KIAA0586: variants seen among roughly 807,000 people sequenced by gnomAD.
The protein encoded by KIAA0586 is protein TALPID3.
In KIAA0586, 144 loss-of-function variants were observed where a neutral mutation model predicts 169.8. That is an observed-to-expected ratio of 0.85 (90% CI 0.74 to 0.97). The LOEUF (loss-of-function observed/expected upper bound fraction) is 0.97, where lower values mean the gene tolerates loss of function less well. Among genes scored for constraint, KIAA0586 ranks in the 50% least tolerant of loss-of-function variants. The pLI is 0.00. For missense variants in KIAA0586, 1,854 were observed against 1,823.0 expected, an observed-to-expected ratio of 1.02 and a Z score of -0.31; for synonymous variants, 625 against 612.4, an observed-to-expected ratio of 1.02 and a Z score of -0.30.
intron 22 of KIAA0586, among the ~76,000 whole-genome samples, chr14:58,487,618 AAAG>A (rs1323368946): frequency 6.6e-6 from 1 of 152,168 alleles, no homozygotes; most frequent in Admixed American, 6.5e-5. Flanking sequence ...AAAAAAAAAA[AAAG>A]TATACAATTG....
intron 20 of KIAA0586, among the ~76,000 whole-genome samples, chr14:58,477,634 G>T (rs1438766215): frequency 2.0e-5 from 3 of 152,144 alleles, no homozygotes; most frequent in Non-Finnish European, 4.4e-5. Flanking sequence ...CCCAACAAGA[G>T]TTTAAGTATT....
intron 4 of KIAA0586, among the ~76,000 whole-genome samples, 151 bp downstream of exon 4, chr14:58,432,608 A>G (rs1427493951): frequency 6.6e-6 from 1 of 152,250 alleles, no homozygotes; most frequent in Non-Finnish European, 1.5e-5. Flanking sequence ...CACGTATAAA[A>G]TACTCAGTAG....
At chr14:58,506,564 G>C (rs1337941995) in intron 27 of KIAA0586, among the ~76,000 whole-genome samples, 1 of 151,980 alleles carries the variant, frequency 6.6e-6, no homozygotes, top group Non-Finnish European at 1.5e-5. Flanking sequence ...GCGCGTGCCT[G>C]TGGTCTCAGC....
At chr14:58,481,026 CAAA>C (rs1384809146) in intron 20 of KIAA0586, among the ~76,000 whole-genome samples, 1 of 152,116 alleles carries the variant, frequency 6.6e-6, no homozygotes, top group African/African-American at 2.4e-5. Context: ...GGGCCATGCT[CAAA>C]GAATGAATTA....
intron 27 of KIAA0586, among the ~76,000 whole-genome samples, chr14:58,507,231 TATGTATGATTTATATATAAATC>T (rs557242244): frequency 0.026 from 2,376 of 90,508 alleles, 26 homozygotes; most frequent in Non-Finnish European, 0.035. Context: ...AAATCATCTA[TATGTATGATTTATATATAAATC>T]ATGTATGATT....
At chr14:58,467,708 A>T (rs1193727954) in intron 15 of KIAA0586, 27 bp from the exon 16 acceptor site, 13 of 1,536,352 alleles carry the variant, frequency 8.5e-6, no homozygotes, top group African/African-American at 1.4e-5. Context: ...GAACTAGTTG[A>T]CTTATTTTTT....
chr14:58,485,297 A>C (rs974162215), intron 21 of KIAA0586, among the ~76,000 whole-genome samples: 3 of 151,996 alleles, frequency 2.0e-5, no homozygotes, highest in South Asian at 2.1e-4. Context: ...ACCCATGTAC[A>C]TATAAAAAGA....
At position 58,429,432 on chromosome 14, in the gene KIAA0586, G is replaced by C. The variant is rs780403471; in HGVS notation, c.269G>C (p.Ser90Thr). The C allele has an allele frequency of 6.4e-7, 1 of 1,562,018 alleles. No individual in the cohort carries two copies. Among genetic ancestry groups the C allele is most frequent in the African/African-American group, 1.4e-5 (1 of 73,826 alleles). ...PLLENPMVSE[S>T]DFSKDVAVQV... The stretch of plus-strand genomic sequence containing the variant: ...TTAGAAAATCCCATGGTGTCAGAAA[G>C]TGTAAGCAAAAGGATTCTTAATTAT... Residue 90 changes from serine (S) to threonine (T), a missense_variant and splice_region_variant, in exon 2 of 31, where the codon AGT becomes ACT. Transcript: ENST00000652326.
intron 19 of KIAA0586, among the ~76,000 whole-genome samples, chr14:58,476,430 G>T (rs903829447): frequency 6.6e-6 from 1 of 152,042 alleles, no homozygotes; most frequent in Non-Finnish European, 1.5e-5. Flanking sequence ...GTGAAGAAAG[G>T]GCAGCTGGAC....
intron 29 of KIAA0586, chr14:58,521,218 A>G: frequency 1.0e-6 from 1 of 971,928 alleles, no homozygotes; most frequent in Non-Finnish European, 1.6e-6. Context: ...TCATCATCCA[A>G]CACAGTGGCC....
chr14:58,539,137 T>G (rs2046484163), intron 29 of KIAA0586, among the ~76,000 whole-genome samples: 1 of 152,168 alleles, frequency 6.6e-6, no homozygotes, highest in Non-Finnish European at 1.5e-5. Context: ...TGTCTTTCTG[T>G]GTCTGGTTTA....
intron 13 of KIAA0586, 88 bp downstream of exon 13, chr14:58,460,158 G>A: frequency 1.3e-6 from 1 of 784,486 alleles, no homozygotes; most frequent in East Asian, 2.7e-5. Context: ...CGAATGTGAA[G>A]GTGTTTTAAA....
chr14:58,470,223 G>A (rs1434212826), intron 16 of KIAA0586, among the ~76,000 whole-genome samples: 1 of 151,888 alleles, frequency 6.6e-6, no homozygotes, highest in African/African-American at 2.4e-5. Context: ...ATGTTATATA[G>A]TCATTTAAAA....
Position 58,472,219 on chromosome 14 carries a change from A to T in KIAA0586, c.2574A>T (p.Val858=), listed in dbSNP as rs2141002250. The part of the protein sequence containing the change: ...TWIKTPEIMK[V]DEEEVKFPGT... ...CTTAGACTCCAGAAATTATGAAGGT[A>T]GATGAAGAAGAGGTGAAGTTTCCAG... Residue 858 remains valine, a synonymous_variant, in exon 18 of 31, where the codon GTA becomes GTT. Coordinates refer to ENST00000652326, the MANE Select transcript of KIAA0586 (RefSeq NM_001329943.3). The T allele has an allele frequency of 6.3e-7, 1 of 1,583,038 alleles. No individual in the cohort carries two copies. The highest frequency in any genetic ancestry group is 1.2e-5 in the South Asian group (1 of 85,602).
chr14:58,466,171 C>G (rs577751675), intron 15 of KIAA0586, 142 bp downstream of exon 15: 40 of 585,518 alleles, frequency 6.8e-5, no homozygotes, highest in South Asian at 4.8e-4. Context: ...CCACCTCAAC[C>G]TCTCAAAGTG....
chr14:58,465,501 A>C (rs913203455), intron 14 of KIAA0586, among the ~76,000 whole-genome samples: 3 of 152,178 alleles, frequency 2.0e-5, no homozygotes, highest in Admixed American at 1.3e-4. Flanking sequence ...AGGGGCTGGC[A>C]ACTGTGGCCT....
rs1000254871 is a variant in KIAA0586, at chr14:58,464,532, T to G, written c.2060-1303T>G. On this transcript the variant is annotated intron_variant, in intron 14 of 30. Coordinates refer to ENST00000652326, the MANE Select transcript of KIAA0586 (RefSeq NM_001329943.3). Reference sequence around the variant, plus strand: ...CCCGCTTACTTTATTCTTTACTTTTTTGTGTGTGTGTTCCATAGACATTTA... The same window carrying G: ...CCCGCTTACTTTATTCTTTACTTTTGTGTGTGTGTGTTCCATAGACATTTA... Among the ~76,000 whole-genome samples, 6 of 152,282 alleles carry G rather than the reference T, an allele frequency of 3.9e-5. No individual in the cohort carries two copies. The South Asian group carries it at 8.3e-4, about 21-fold the overall frequency.
At chr14:58,435,844 A>G (rs1001547734) in intron 4 of KIAA0586, among the ~76,000 whole-genome samples, 30 of 152,092 alleles carry the variant, frequency 2.0e-4, no homozygotes, top group African/African-American at 7.0e-4. Context: ...AGTAACTGGG[A>G]TTACAGGCAT....
chr14:58,428,743 A>G (rs574816477), intron 1 of KIAA0586, among the ~76,000 whole-genome samples: 1 of 149,054 alleles, frequency 6.7e-6, no homozygotes, highest in East Asian at 2.0e-4. Context: ...AACTTGTATA[A>G]TGTGCTTTAT....
Sources: gnomAD v4.1 joint callset for allele counts (sites outside exome capture counted in the v4.1 genomes callset) on GRCh38, gnomAD v4.1.1 for gene constraint, MANE v1.5 for transcripts, NCBI Gene and HGNC (gene_info 2026-07-23, HGNC 2026-07-21) for gene names.